NLGN2: variants seen among roughly 807,000 people sequenced by gnomAD.
NLGN2 encodes neuroligin 2.
NLGN2 carries 11 observed loss-of-function variants against 48.6 expected under a neutral mutation model. The ratio of observed to expected loss-of-function variants is 0.23; its 90% CI spans 0.14 to 0.37. NLGN2 has a LOEUF of 0.37. Among genes scored for constraint, NLGN2 ranks in the 10% least tolerant of loss-of-function variants. NLGN2 has a pLI of 1.00. For missense variants in NLGN2, 801 were observed against 1,225.2 expected (o/e 0.65, Z 5.17); for synonymous variants, 548 against 550.0 (o/e 1.00, Z 0.05).
rs1465175311 is a variant in NLGN2, at chr17:7,408,723, G to A, written c.457+11G>A. ...TGCCCACCGAGGACGGTAAGGGCGC[G>A]GGCACAAAGCCGGGCACCCCGTGGA... On this transcript the variant is annotated intron_variant, in intron 1 of 6. Coordinates refer to ENST00000302926, the MANE Select transcript of NLGN2 (RefSeq NM_020795.4). The surrounding 1 kb of genome is among the most constrained non-coding windows in gnomAD (Gnocchi z 7.5). 11 of 1,612,202 alleles carry A rather than the reference G, an allele frequency of 6.8e-6. No individual in the cohort carries two copies. Among genetic ancestry groups the A allele is most frequent in the South Asian group, 3.3e-5 (3 of 91,028 alleles).
chr17:7,414,354 C>T lies in NLGN2; in HGVS notation c.519C>T (p.Asp173=), dbSNP rs778694665. The change falls in exon 3 of 7, where the codon GAC becomes GAT. Residue 173 remains aspartate (D), a synonymous_variant. Transcript: ENST00000302926. ...CCCCTCCCCACACAGATATCCGTGA[C>T]CCTGGGAAGAAGCCTGTGATGCTGT... ...TLNPPDTDIR[D]PGKKPVMLFL... 1 of 1,558,004 alleles carries T rather than the reference C, an allele frequency of 6.4e-7. No homozygotes were observed. The highest frequency in any genetic ancestry group is 8.9e-7 in the Non-Finnish European group (1 of 1,129,168).
upstream of NLGN2, among the ~76,000 whole-genome samples, chr17:7,406,785 T>C (rs780600827): frequency 2.7e-5 from 4 of 150,484 alleles, no homozygotes; most frequent in Non-Finnish European, 5.9e-5. Flanking sequence ...AGGGGAAGGG[T>C]AGGTGAATGG....
chr17:7,415,675 T>C lies in NLGN2; in HGVS notation c.1202T>C (p.Val401Ala). The change falls in exon 6 of 7, where the codon GTG becomes GCG. Residue 401 changes from valine (V) to alanine (A), a missense_variant. This residue lies in a region of NLGN2 where 303 missense variants were observed against 600.1 expected (regional missense o/e 0.50). Coordinates refer to ENST00000302926, the MANE Select transcript of NLGN2 (RefSeq NM_020795.4). ...GACTCTGCAGAGAGCGAGGACGGTG[T>C]GTCTGCCAGCGCCTTTGACTTCACT... is the stretch of plus-strand genomic sequence containing the variant. Reference protein sequence around the residue: ...VEDSAESEDGVSASAFDFTVS... With the variant: ...VEDSAESEDGASASAFDFTVS... 6.2e-7 allele frequency: 1 copy of C among 1,614,244 alleles called. No homozygotes were observed. Among genetic ancestry groups the C allele is most frequent in the Non-Finnish European group, 8.5e-7 (1 of 1,180,044 alleles).
At chr17:7,410,528 C>T (rs1431183022) in intron 1 of NLGN2, among the ~76,000 whole-genome samples, 1 of 152,070 alleles carries the variant, frequency 6.6e-6, no homozygotes, top group Admixed American at 6.6e-5. Context: ...ATGTGGGCTG[C>T]CCATCCCAGC....
In NLGN2 at chr17:7,417,918, G is replaced by A. The variant is rs1045496363; in HGVS notation, c.*119G>A. The A allele has an allele frequency of 2.3e-5, 21 of 923,078 alleles. No homozygotes were observed. The highest frequency in any genetic ancestry group is 3.0e-5 in the Non-Finnish European group (21 of 695,172). 57.2% of individuals were successfully genotyped at this position (923,078 alleles called of 1,614,324 possible). On this transcript the variant is annotated 3_prime_UTR_variant, in exon 7 of 7. Coordinates refer to ENST00000302926, the MANE Select transcript of NLGN2 (RefSeq NM_020795.4). ...GAGTCGTCACACGCCATCCAGCAGC[G>A]CTAAGGTGGACATGGGATTCCTCCC...
chr17:7,408,424 G>C lies in NLGN2; in HGVS notation c.169G>C (p.Glu57Gln). 6.4e-7 allele frequency: 1 copy of C among 1,569,508 alleles called. No individual in the cohort carries two copies. The highest frequency in any genetic ancestry group is 8.6e-7 in the Non-Finnish European group (1 of 1,161,886). Residue 57 changes from glutamate to glutamine, a missense_variant, in exon 1 of 7, where the codon GAG becomes CAG. Coordinates refer to ENST00000302926, the MANE Select transcript of NLGN2 (RefSeq NM_020795.4). The surrounding 1 kb of genome is among the most constrained non-coding windows in gnomAD (Gnocchi z 7.5). Reference protein sequence around the residue: ...AYGRVRGVRRELNNEILGPVV... With the variant: ...AYGRVRGVRRQLNNEILGPVV... The stretch of plus-strand genomic sequence containing the variant: ...CGGGCGAGTGCGCGGTGTGCGGCGC[G>C]AGCTCAACAACGAGATCCTGGGCCC...
intron 6 of NLGN2, 143 bp from the exon 7 acceptor site, chr17:7,416,783 C>T (rs1046489142): frequency 3.3e-5 from 33 of 1,006,814 alleles, no homozygotes; most frequent in Non-Finnish European, 6.0e-6. Flanking sequence ...ATCTGTGTCT[C>T]TCTGCCTCTG....
In NLGN2 at chr17:7,417,356, C is replaced by T. The variant is rs754290764; in HGVS notation, c.2065C>T (p.Leu689Phe). The T allele has an allele frequency of 6.2e-7, 1 of 1,611,350 alleles. No individual in the cohort carries two copies. Among genetic ancestry groups the T allele is most frequent in the African/African-American group, 1.3e-5 (1 of 74,848 alleles). Residue 689 changes from leucine (L) to phenylalanine (F), a missense_variant, in exon 7 of 7, where the codon CTC (leucine) becomes TTC (phenylalanine). Transcript: ENST00000302926. ...TVAVGASLLFLNILAFAALYY... is the reference protein window; with the variant it reads ...TVAVGASLLFFNILAFAALYY... ...GGCCGTGGGTGCCTCCCTCCTCTTC[C>T]TCAACATCCTGGCCTTTGCTGCCCT... is the stretch of plus-strand genomic sequence containing the variant.
At chr17:7,414,065 G>A (rs1048454232) in intron 2 of NLGN2, among the ~76,000 whole-genome samples, 4 of 152,148 alleles carry the variant, frequency 2.6e-5, no homozygotes, top group African/African-American at 9.7e-5. Context: ...CCTAAGGAGG[G>A]CCACTGCCCA....
At position 7,415,826 on chromosome 17, in the gene NLGN2, G is replaced by A. The variant is rs1475081466; in HGVS notation, c.1353G>A (p.Leu451=). The A allele has an allele frequency of 8.7e-6, 14 of 1,613,564 alleles. No homozygotes were observed. Among genetic ancestry groups the A allele is most frequent in the Middle Eastern group, 1.6e-4 (1 of 6,084 alleles). Residue 451 remains leucine, a synonymous_variant, in exon 6 of 7, where the codon CTG becomes CTA. Transcript: ENST00000302926. The part of the protein sequence containing the change: ...RDNGEMRRKT[L]LALFTDHQWV... The stretch of plus-strand genomic sequence containing the variant: ...ATGGCGAAATGCGCCGCAAAACCCT[G>A]CTGGCGCTCTTTACTGACCACCAAT...
rs747870009 is a variant in NLGN2 at position 7,417,473 on chromosome 17, C to T, written c.2182C>T (p.Leu728=). The T allele has an allele frequency of 6.5e-7, 1 of 1,536,032 alleles. No homozygotes were observed. The highest frequency in any genetic ancestry group is 1.4e-5 in the African/African-American group (1 of 71,644). ...SGSGVPGGGP[L]LPAAGRELPP... is the part of the protein sequence containing the mutation. ...CTCTGGCGTGCCTGGTGGGGGCCCCCTGCTCCCCGCCGCGGGCCGTGAGCT... is the reference window on the plus strand; with the variant it reads ...CTCTGGCGTGCCTGGTGGGGGCCCCTTGCTCCCCGCCGCGGGCCGTGAGCT... Residue 728 remains leucine, a synonymous_variant, in exon 7 of 7, where the codon CTG becomes TTG. Transcript: ENST00000302926.
upstream of NLGN2, chr17:7,404,831 G>C (rs1027461663): frequency 5.9e-5 from 9 of 152,100 alleles, no homozygotes; most frequent in Admixed American, 1.3e-4. Flanking sequence ...CGGGGGGTGT[G>C]CGCCGCTCTC....
At position 7,417,800 on chromosome 17, in the gene NLGN2, G is replaced by A. The variant is rs1219372766; in HGVS notation, c.*1G>A. Reference sequence around the variant, plus strand: ...CCCCCACTCCACCACTCGGGTATAGGGGGTGGGTGGGGAGGCCCTCCTCCC... The same window carrying A: ...CCCCCACTCCACCACTCGGGTATAGAGGGTGGGTGGGGAGGCCCTCCTCCC... On this transcript the variant is annotated 3_prime_UTR_variant, in exon 7 of 7. Coordinates refer to ENST00000302926, the MANE Select transcript of NLGN2 (RefSeq NM_020795.4). The A allele has an allele frequency of 7.3e-7, 1 of 1,361,196 alleles. No homozygotes were observed. The highest frequency in any genetic ancestry group is 9.4e-7 in the Non-Finnish European group (1 of 1,063,650). The allele number at this position is 1,361,196 out of a possible 1,614,324, so 84.3% of individuals were successfully genotyped here.
intron 2 of NLGN2, among the ~76,000 whole-genome samples, chr17:7,412,711 G>T (rs77824203): frequency 0.062 from 9,434 of 151,942 alleles, 356 homozygotes; most frequent in South Asian, 0.12. Context: ...AACATTCGAA[G>T]TGAATTAAAG....
chr17:7,408,069 C>A lies in NLGN2; in HGVS notation c.-187C>A. 8.2e-6 allele frequency: 3 copies of A among 367,862 alleles called. No individual in the cohort carries two copies. Among genetic ancestry groups the A allele is most frequent in the Non-Finnish European group, 4.8e-6 (1 of 207,804 alleles). 22.8% of individuals were successfully genotyped at this position (367,862 alleles called of 1,614,324 possible). ...TCCCCTTCCCCACCCCGTGCCCCCT[C>A]CATGGAGAGGAACAGACCCCTTCTC... On this transcript the variant is annotated 5_prime_UTR_variant, in exon 1 of 7. Coordinates refer to ENST00000302926, the MANE Select transcript of NLGN2 (RefSeq NM_020795.4). This position sits in a 1 kb window ranked among gnomAD's most constrained non-coding sequence, Gnocchi z 7.5.
At position 7,407,943 on chromosome 17, in the gene NLGN2, T is replaced by C. The variant is rs971458558; in HGVS notation, c.-313T>C. On this transcript the variant is annotated 5_prime_UTR_variant, in exon 1 of 7. Coordinates refer to ENST00000302926, the MANE Select transcript of NLGN2 (RefSeq NM_020795.4). ...CCAATTTCCCTTGCCCTCTTCCACC[T>C]CTGTATTTTTCTGTCTGTCCGTCTG... is the stretch of plus-strand genomic sequence containing the variant. 50 of 228,458 alleles carry C rather than the reference T, an allele frequency of 2.2e-4. No homozygotes were observed. In the East Asian group the frequency reaches 4.3e-3, roughly 20 times the overall value. The allele number at this position is 228,458 out of a possible 1,614,324, so 14.2% of individuals were successfully genotyped here.
Position 7,408,336 on chromosome 17 carries a change from C to A in NLGN2, c.81C>A (p.Gly27=). 7.0e-7 allele frequency: 1 copy of A among 1,429,468 alleles called. No individual in the cohort carries two copies. Among genetic ancestry groups the A allele is most frequent in the East Asian group, 3.0e-5 (1 of 33,636 alleles). The allele number at this position is 1,429,468 out of a possible 1,614,324, so 88.5% of individuals were successfully genotyped here. ...GGGGTCCCGGCGGCGGCGCCCCGGG[C>A]GGCCCCGGCCTGGGCCTCGGCAGCC... is the stretch of plus-strand genomic sequence containing the variant. ...GGGGPGGGAP[G]GPGLGLGSLG... is the part of the protein sequence containing the mutation. Residue 27 remains glycine (G), a synonymous_variant, in exon 1 of 7, where the codon GGC becomes GGA. Transcript: ENST00000302926. The surrounding 1 kb of genome is among the most constrained non-coding windows in gnomAD (Gnocchi z 7.5).
intron 1 of NLGN2, among the ~76,000 whole-genome samples, chr17:7,410,793 G>C (rs780488289): frequency 3.3e-5 from 5 of 152,212 alleles, no homozygotes; most frequent in Non-Finnish European, 2.9e-5. Context: ...CACCAGCTCT[G>C]GGAGGAAGAG....
rs1318237856 is a variant in NLGN2 at position 7,411,651 on chromosome 17, C to CT, written c.458-505dup. 6.6e-6 allele frequency among the ~76,000 whole-genome samples: 1 copy of CT among 152,190 alleles called. No homozygotes were observed. Among genetic ancestry groups the CT allele is most frequent in the African/African-American group, 2.4e-5 (1 of 41,442 alleles). ...TCTTTTCTGCGGCAGTCTCTCCTCC[C>CT]TACAGCCTTGTGGGGGGCGGCAGGC... On this transcript the variant is annotated intron_variant, in intron 1 of 6. Coordinates refer to ENST00000302926, the MANE Select transcript of NLGN2 (RefSeq NM_020795.4). This position sits in a 1 kb window ranked among gnomAD's most constrained non-coding sequence, Gnocchi z 4.5.
Sources: gnomAD v4.1 joint callset for allele counts (sites outside exome capture counted in the v4.1 genomes callset) on GRCh38, gnomAD v4.1.1 for gene constraint, gnomAD v4.1.1 regional missense constraint, Gnocchi (gnomAD v3.1) non-coding constraint, MANE v1.5 for transcripts, NCBI Gene and HGNC (gene_info 2026-07-23, HGNC 2026-07-21) for gene names.